CADPS: variants seen among roughly 807,000 people sequenced by gnomAD.
The protein encoded by CADPS is calcium-dependent secretion activator 1.
CADPS carries 57 observed loss-of-function variants against 167.3 expected under a neutral mutation model. The observed-to-expected ratio is 0.34, with a 90% CI of 0.28 to 0.42. The LOEUF is 0.42. Among genes scored for constraint, CADPS ranks in the 20% least tolerant of loss-of-function variants. The pLI is 1.00. For synonymous variants in CADPS, 676 were observed against 635.3 expected (o/e 1.06, Z -0.96); for missense variants, 1,414 against 1,738.1 (o/e 0.81, Z 3.32).
At chr3:62,444,053 C>T (rs949394220) in intron 27 of CADPS, among the ~76,000 whole-genome samples, 6 of 152,160 alleles carry the variant, frequency 3.9e-5, no homozygotes, top group Non-Finnish European at 2.9e-5. Flanking sequence ...TTCAATCTAA[C>T]ATAACCTGAT....
intron 13 of CADPS, among the ~76,000 whole-genome samples, chr3:62,525,954 G>A (rs1323451363): frequency 6.6e-6 from 1 of 152,094 alleles, no homozygotes; most frequent in Non-Finnish European, 1.5e-5. Flanking sequence ...TAGTGGCATT[G>A]AAGAGAGGGA....
At chr3:62,407,894 C>T (rs1046177931) in intron 28 of CADPS, among the ~76,000 whole-genome samples, 8 of 152,014 alleles carry the variant, frequency 5.3e-5, no homozygotes, top group African/African-American at 7.2e-5. Flanking sequence ...CCACCATGTC[C>T]GGCTAATTTT....
At chr3:62,658,504 T>TA (rs1290519960) in intron 4 of CADPS, among the ~76,000 whole-genome samples, 2 of 152,186 alleles carry the variant, frequency 1.3e-5, no homozygotes, top group Non-Finnish European at 2.9e-5. Flanking sequence ...TCAGATTCTC[T>TA]AATGTCTCTG....
intron 1 of CADPS, among the ~76,000 whole-genome samples, chr3:62,777,441 G>T (rs1215637988): frequency 6.6e-6 from 1 of 152,176 alleles, no homozygotes; most frequent in Non-Finnish European, 1.5e-5. Flanking sequence ...CGCCATTCAG[G>T]ATCCAGAATA....
At chr3:62,592,268 G>A (rs938992284) in intron 7 of CADPS, among the ~76,000 whole-genome samples, 1 of 152,044 alleles carries the variant, frequency 6.6e-6, no homozygotes, top group Admixed American at 6.6e-5. Context: ...TTATGTCATT[G>A]TGTTGACTTT....
At chr3:62,436,252 T>C (rs2055017283) in intron 28 of CADPS, among the ~76,000 whole-genome samples, 1 of 152,068 alleles carries the variant, frequency 6.6e-6, no homozygotes, top group Non-Finnish European at 1.5e-5. Context: ...AAACATCAAA[T>C]TCAGTACTAG....
At chr3:62,824,166 C>CAAA (rs3047274) in intron 1 of CADPS, among the ~76,000 whole-genome samples, 1 of 126,654 alleles carries the variant, frequency 7.9e-6, no homozygotes, top group African/African-American at 2.9e-5. Flanking sequence ...GCTATAACTT[C>CAAA]AAAAAAAAAA....
chr3:62,836,818 C>T lies in CADPS; in HGVS notation c.441+37771G>A, dbSNP rs941675223. Among the ~76,000 whole-genome samples the T allele has an allele frequency of 3.3e-5, 5 of 152,016 alleles. 1 individual carries two copies. Among genetic ancestry groups the T allele is most frequent in the African/African-American group, 1.2e-4 (5 of 41,366 alleles). On this transcript the variant is annotated intron_variant, in intron 1 of 29. Transcript: ENST00000383710. ...CTGGAACTTTCCTTTCGCCCACCCC[C>T]CGTTGTCATCAGAAAAGTGACTGGA...
chr3:62,537,312 T>G (rs1445167879), intron 11 of CADPS, among the ~76,000 whole-genome samples: 1 of 152,212 alleles, frequency 6.6e-6, no homozygotes, highest in Non-Finnish European at 1.5e-5. Flanking sequence ...ATAGTCTCAA[T>G]GTATTCACAC....
rs1158982660 is a variant in CADPS at position 62,867,126 on chromosome 3, G to T, written c.441+7463C>A. ...ATTTTTAATGGTAACAATCAATATG[G>T]TAATAGTCAATATCATAGTCAGTAT... On this transcript the variant is annotated intron_variant, in intron 1 of 29. Transcript: ENST00000383710. Among the ~76,000 whole-genome samples, 5 of 152,064 alleles carry T rather than the reference G, an allele frequency of 3.3e-5. No individual in the cohort carries two copies. The East Asian group carries it at 9.6e-4, about 29-fold the overall frequency.
Position 62,491,574 on chromosome 3 carries a change from C to CACACACAA in CADPS, c.2885-95_2885-94insTTGTGTGT, listed in dbSNP as rs1553815725. 8.2e-5 allele frequency: 80 copies of CACACACAA among 979,400 alleles called. No individual in the cohort carries two copies. The African/African-American group carries it at 1.0e-3, about 12-fold the overall frequency. 60.7% of individuals were successfully genotyped at this position (979,400 alleles called of 1,614,324 possible). ...ACACACACAAACACACACACACACA[C>CACACACAA]ACACACACACAGATGATTGATTGTC... On this transcript the variant is annotated intron_variant, in intron 20 of 29. Transcript: ENST00000383710.
chr3:62,419,810 T>A (rs1409208873), intron 28 of CADPS, among the ~76,000 whole-genome samples: 1 of 152,132 alleles, frequency 6.6e-6, no homozygotes, highest in Admixed American at 6.5e-5. Flanking sequence ...TACTCTAAAA[T>A]AAGGATAGTA....
chr3:62,835,458 T>G (rs2075761586), intron 1 of CADPS, among the ~76,000 whole-genome samples: 1 of 152,208 alleles, frequency 6.6e-6, no homozygotes, highest in African/African-American at 2.4e-5. Flanking sequence ...TCAAACACAT[T>G]CTTGTTATTT....
In CADPS at chr3:62,465,138, C is replaced by T. The variant is rs1466972167; in HGVS notation, c.3636+229G>A. ...ACAAATAGCAATGTGTGTGTGTGTTCATAAAAAATACACACATATTGTACC... is the reference window on the plus strand; with the variant it reads ...ACAAATAGCAATGTGTGTGTGTGTTTATAAAAAATACACACATATTGTACC... On this transcript the variant is annotated intron_variant, in intron 26 of 29. Coordinates refer to ENST00000383710, the MANE Select transcript of CADPS (RefSeq NM_003716.4). This position sits in a 1 kb window ranked among gnomAD's most constrained non-coding sequence, Gnocchi z 4.1. 6.6e-6 allele frequency among the ~76,000 whole-genome samples: 1 copy of T among 152,088 alleles called. No individual in the cohort carries two copies. Among genetic ancestry groups the T allele is most frequent in the Non-Finnish European group, 1.5e-5 (1 of 68,014 alleles).
intron 1 of CADPS, among the ~76,000 whole-genome samples, chr3:62,846,285 C>A (rs754262296): frequency 1.8e-4 from 28 of 152,126 alleles, no homozygotes; most frequent in Non-Finnish European, 3.7e-4. Flanking sequence ...TGATCAGATT[C>A]AGGTTCAATT....
At chr3:62,724,747 C>T (rs936493940) in intron 3 of CADPS, among the ~76,000 whole-genome samples, 1 of 152,192 alleles carries the variant, frequency 6.6e-6, no homozygotes, top group African/African-American at 2.4e-5. Flanking sequence ...TCCTCATTTC[C>T]CCAACTCATA....
In CADPS at chr3:62,438,539, C is replaced by A; in HGVS notation, c.3670-328G>T. 4.4e-6 allele frequency: 1 copy of A among 228,818 alleles called. No individual in the cohort carries two copies. Among genetic ancestry groups the A allele is most frequent in the Non-Finnish European group, 8.5e-6 (1 of 116,980 alleles). The allele number at this position is 228,818 out of a possible 1,614,324, so 14.2% of individuals were successfully genotyped here. A position where few individuals can be genotyped will look rare whatever the true frequency, so the allele number is the denominator to read the frequency against. On this transcript the variant is annotated intron_variant, in intron 27 of 29. Coordinates refer to ENST00000383710, the MANE Select transcript of CADPS (RefSeq NM_003716.4). The surrounding 1 kb of genome is among the most constrained non-coding windows in gnomAD (Gnocchi z 4.7). Reference sequence around the variant, plus strand: ...AACCCATAGATGTTCTCTGACTTTGCCTTGGATTGAAACCTGCATTAAAGA... The same window carrying A: ...AACCCATAGATGTTCTCTGACTTTGACTTGGATTGAAACCTGCATTAAAGA...
intron 1 of CADPS, among the ~76,000 whole-genome samples, chr3:62,861,357 AT>A (rs2080771130): frequency 6.6e-6 from 1 of 152,212 alleles, no homozygotes; most frequent in Non-Finnish European, 1.5e-5. Flanking sequence ...GTAAAAAAAA[AT>A]GAACATTCAT....
At chr3:62,471,699 C>A (rs946869984) in intron 24 of CADPS, among the ~76,000 whole-genome samples, 1 of 152,094 alleles carries the variant, frequency 6.6e-6, no homozygotes, top group African/African-American at 2.4e-5. Context: ...CCCTTCTGCA[C>A]CCTGGCCTAG....
Sources: allele counts gnomAD v4.1 joint callset (sites outside exome capture counted in the v4.1 genomes callset), GRCh38; gene constraint gnomAD v4.1.1; non-coding constraint Gnocchi (gnomAD v3.1); transcripts MANE v1.5; gene names NCBI Gene and HGNC (gene_info 2026-07-23, HGNC 2026-07-21).